Variants in GRM7 observed in about 807,000 individuals in gnomAD.
GRM7 encodes the protein glutamate metabotropic receptor 7.
In GRM7, 35 loss-of-function variants were observed where a neutral mutation model predicts 84.5. That is an observed-to-expected ratio of 0.41 (90% confidence interval 0.32 to 0.55). The LOEUF (loss-of-function observed/expected upper bound fraction) is 0.55, where lower values mean the gene tolerates loss of function less well. GRM7 is among the 20% of genes least tolerant of loss of function. The probability of loss-of-function intolerance (pLI) is 0.19; values close to 1 mark genes in which losing one functional copy is unlikely to be tolerated. For synonymous variants in GRM7, 487 were observed against 455.1 expected (o/e 1.07, Z -0.89); for missense variants, 1,003 against 1,194.6 (o/e 0.84, Z 2.36).
rs531252188 is a variant in GRM7, at chr3:7,403,826, T to G, written c.1034-11197T>G. Among the ~76,000 whole-genome samples the G allele has an allele frequency of 1.3e-4, 19 of 151,328 alleles. No individual in the cohort carries two copies. In the South Asian group the frequency reaches 3.5e-3, roughly 28 times the overall value. The stretch of plus-strand genomic sequence containing the variant: ...ATATATAAGAATATGTGTGTGTGGA[T>G]GGATGGATAGATAGATAGATAGATA... On this transcript the variant is annotated intron_variant, in intron 4 of 9. Transcript: ENST00000357716.
At chr3:7,442,878 C>T (rs1196462799) in intron 5 of GRM7, among the ~76,000 whole-genome samples, 1 of 151,986 alleles carries the variant, frequency 6.6e-6, no homozygotes, top group East Asian at 1.9e-4. Context: ...ATATCTGTAT[C>T]CCTCATCTTT....
intron 1 of GRM7, among the ~76,000 whole-genome samples, chr3:7,104,439 C>T (rs1699230615): frequency 1.3e-5 from 2 of 151,726 alleles, no homozygotes; most frequent in Admixed American, 6.6e-5. Flanking sequence ...GACTAAGACA[C>T]TCCACTTCCA....
chr3:7,193,126 C>G lies in GRM7; in HGVS notation c.736+46458C>G, dbSNP rs80087378. Among the ~76,000 whole-genome samples, 1,310 of 152,166 alleles carry G rather than the reference C, an allele frequency of 8.6e-3. 13 individuals are homozygous for G. The highest frequency in any genetic ancestry group is 0.03 in the African/African-American group (1,261 of 41,522). ...ACTCATAATTCCTATACCAGTACCTCTGGTTAGGGTCATAGGCCTCAAATA... is the reference window on the plus strand; with the variant it reads ...ACTCATAATTCCTATACCAGTACCTGTGGTTAGGGTCATAGGCCTCAAATA... On this transcript the variant is annotated intron_variant, in intron 2 of 9. Transcript: ENST00000357716.
intron 9 of GRM7, among the ~76,000 whole-genome samples, chr3:7,687,766 C>A (rs1700639621): frequency 6.6e-6 from 1 of 152,164 alleles, no homozygotes; most frequent in Admixed American, 6.6e-5. Flanking sequence ...TAAATAAAAT[C>A]TTTCTCTCTC....
At chr3:7,663,334 C>T (rs1699545298) in intron 8 of GRM7, among the ~76,000 whole-genome samples, 1 of 152,148 alleles carries the variant, frequency 6.6e-6, no homozygotes, top group Non-Finnish European at 1.5e-5. Context: ...CTTTATCTAC[C>T]AGTATATCCT....
At chr3:7,620,749 C>T (rs1254315085) in intron 8 of GRM7, among the ~76,000 whole-genome samples, 1 of 152,078 alleles carries the variant, frequency 6.6e-6, no homozygotes, top group Non-Finnish European at 1.5e-5. Flanking sequence ...TAAAATGACC[C>T]AAATTATAAA....
At chr3:7,525,329 T>G (rs1559379819) in intron 7 of GRM7, among the ~76,000 whole-genome samples, 1 of 152,034 alleles carries the variant, frequency 6.6e-6, no homozygotes, top group Non-Finnish European at 1.5e-5. Flanking sequence ...AAATACAGTG[T>G]ATTGGGTTCC....
intron 2 of GRM7, among the ~76,000 whole-genome samples, chr3:7,235,862 C>A (rs1263525594): frequency 1.3e-5 from 2 of 152,142 alleles, no homozygotes; most frequent in African/African-American, 2.4e-5. Context: ...AATGATAGTA[C>A]ATACAGTAGA....
At chr3:7,426,016 A>G (rs1208503793) in intron 5 of GRM7, among the ~76,000 whole-genome samples, 1 of 152,230 alleles carries the variant, frequency 6.6e-6, no homozygotes, top group African/African-American at 2.4e-5. Flanking sequence ...AAGAGGCACT[A>G]AAAGTATAGA....
chr3:7,011,151 A>C (rs1406941083), intron 1 of GRM7, among the ~76,000 whole-genome samples: 2 of 152,222 alleles, frequency 1.3e-5, no homozygotes, highest in African/African-American at 4.8e-5. Context: ...ACAGGGGACA[A>C]AAATCATAAA....
chr3:7,526,303 C>CT lies in GRM7; in HGVS notation c.1516-52111dup, dbSNP rs537079220. ...CTCTCTGCCAACTGGTGATGTAAAGCTTTTTTTTCCCCTGTACTTATTGGC... is the reference window on the plus strand; with the variant it reads ...CTCTCTGCCAACTGGTGATGTAAAGCTTTTTTTTTCCCCTGTACTTATTGGC... On this transcript the variant is annotated intron_variant, in intron 7 of 9. Transcript: ENST00000357716. Among the ~76,000 whole-genome samples, 98 of 151,926 alleles carry CT rather than the reference C, an allele frequency of 6.5e-4. 2 individuals carry two copies. The South Asian group carries it at 0.016, about 25-fold the overall frequency.
chr3:7,234,889 C>T (rs933378379), intron 2 of GRM7, among the ~76,000 whole-genome samples: 1 of 152,112 alleles, frequency 6.6e-6, no homozygotes, highest in Non-Finnish European at 1.5e-5. Context: ...TCAAAAAGTC[C>T]TTCATTAAAC....
chr3:7,694,532 C>T (rs774116632), intron 9 of GRM7: 5 of 196,440 alleles, frequency 2.5e-5, no homozygotes, highest in Non-Finnish European at 3.7e-5. Context: ...CAACACATCT[C>T]CTGTCTTGTC....
In GRM7 at chr3:7,636,808, C is replaced by T. The variant is rs78575882; in HGVS notation, c.2452-43241C>T. On this transcript the variant is annotated intron_variant, in intron 8 of 9. Transcript: ENST00000357716. The stretch of plus-strand genomic sequence containing the variant: ...CCCAAAGCTCTCAGTGCCCAAGATT[C>T]AATGTTGCATGGTGGCAAAATGACA... 6.5e-3 allele frequency among the ~76,000 whole-genome samples: 985 copies of T among 152,230 alleles called. 8 individuals are homozygous for T. The highest frequency in any genetic ancestry group is 0.023 in the African/African-American group (942 of 41,530).
chr3:7,109,438 T>C (rs1995200), intron 1 of GRM7, among the ~76,000 whole-genome samples: 36,219 of 152,044 alleles, frequency 0.24, 5,639 homozygotes, highest in African/African-American at 0.44. Flanking sequence ...TACCAATCCA[T>C]TGTCCACGGT....
chr3:7,461,772 C>G (rs1698258737), intron 7 of GRM7, 50 bp downstream of exon 7: 2 of 1,546,314 alleles, frequency 1.3e-6, no homozygotes, highest in Non-Finnish European at 8.9e-7. Flanking sequence ...AATGAACAGA[C>G]TTTTAATTTG....
intron 2 of GRM7, among the ~76,000 whole-genome samples, chr3:7,256,030 A>G (rs1447186095): frequency 6.6e-6 from 1 of 152,178 alleles, no homozygotes. Flanking sequence ...TGACTCTCGT[A>G]GGACCTCTCA....
intron 1 of GRM7, among the ~76,000 whole-genome samples, chr3:7,113,463 T>C (rs1692927982): frequency 6.6e-6 from 1 of 152,148 alleles, no homozygotes; most frequent in South Asian, 2.1e-4. Flanking sequence ...TTGCCCAGGC[T>C]GGTCTCCAAC....
intron 2 of GRM7, among the ~76,000 whole-genome samples, chr3:7,164,637 C>T (rs1694742878): frequency 6.6e-6 from 1 of 152,202 alleles, no homozygotes; most frequent in African/African-American, 2.4e-5. Context: ...CCATAAAAAT[C>T]AGACAATATT....
Sources: gnomAD v4.1 joint callset for allele counts (sites outside exome capture counted in the v4.1 genomes callset) on GRCh38, gnomAD v4.1.1 for gene constraint, MANE v1.5 for transcripts, NCBI Gene and HGNC (gene_info 2026-07-23, HGNC 2026-07-21) for gene names.